RNF150: variants seen among roughly 807,000 people sequenced by gnomAD.
RNF150 encodes the protein ring finger protein 150.
A neutral mutation model predicts 39.3 loss-of-function variants in RNF150; 24 were observed. That is an observed-to-expected ratio of 0.61 (90% CI 0.44 to 0.86). The LOEUF is 0.86. RNF150 is among the 40% of genes least tolerant of loss of function. The probability of loss-of-function intolerance (pLI) is 0.00; values close to 1 mark genes in which losing one functional copy is unlikely to be tolerated. For missense variants in RNF150, 502 were observed against 587.8 expected, an observed-to-expected ratio of 0.85 and a Z score of 1.51; for synonymous variants, 255 against 227.3, an observed-to-expected ratio of 1.12 and a Z score of -1.10.
chr4:141,023,262 G>C (rs1048119729), intron 1 of RNF150, among the ~76,000 whole-genome samples: 1 of 151,462 alleles, frequency 6.6e-6, no homozygotes, highest in African/African-American at 2.4e-5. Flanking sequence ...GATGATGTTT[G>C]AGTGATGGAG....
At chr4:140,974,320 C>G (rs943128794) in intron 1 of RNF150, among the ~76,000 whole-genome samples, 2 of 152,188 alleles carry the variant, frequency 1.3e-5, no homozygotes, top group African/African-American at 4.8e-5. Flanking sequence ...CTTATCCAAA[C>G]AAGCATGTAT....
At chr4:141,078,429 T>A (rs1478908530) in intron 1 of RNF150, among the ~76,000 whole-genome samples, 1 of 152,156 alleles carries the variant, frequency 6.6e-6, no homozygotes, top group Non-Finnish European at 1.5e-5. Flanking sequence ...GTATCCCATG[T>A]TAATCTATTA....
intron 1 of RNF150, among the ~76,000 whole-genome samples, chr4:141,012,956 A>G (rs1220402291): frequency 6.6e-6 from 1 of 152,036 alleles, no homozygotes; most frequent in Non-Finnish European, 1.5e-5. Flanking sequence ...CCTAATTTTC[A>G]TCAGTCCTAG....
Position 140,980,416 on chromosome 4 carries a change from A to G in RNF150, c.485-12543T>C, listed in dbSNP as rs1733817276. ...TTAAAAAACAATCACAGTATCATGG[A>G]TCTAATGAACTTCTAGATATTTATG... On this transcript the variant is annotated intron_variant, in intron 1 of 6. Coordinates refer to ENST00000515673, the MANE Select transcript of RNF150 (RefSeq NM_020724.2). 2.0e-5 allele frequency among the ~76,000 whole-genome samples: 3 copies of G among 152,250 alleles called. No individual in the cohort carries two copies. The South Asian group carries it at 6.2e-4, about 32-fold the overall frequency.
rs1728408657 is a variant in RNF150, at chr4:140,859,820, T to C, written c.*8441A>G. 1 of 152,212 alleles carries C rather than the reference T, an allele frequency of 6.6e-6. No homozygotes were observed. Among genetic ancestry groups the C allele is most frequent in the South Asian group, 2.1e-4 (1 of 4,836 alleles). 9.4% of individuals were successfully genotyped at this position (152,212 alleles called of 1,614,324 possible). The stretch of plus-strand genomic sequence containing the variant: ...CAGACACAAGCATCTGGTTCCATTT[T>C]ATTAAAAAACAAAACCAAAAGAAAT... On this transcript the variant is annotated 3_prime_UTR_variant, in exon 7 of 7. Coordinates refer to ENST00000515673, the MANE Select transcript of RNF150 (RefSeq NM_020724.2).
chr4:140,888,367 C>T (rs150593816), intron 6 of RNF150, among the ~76,000 whole-genome samples: 15 of 152,208 alleles, frequency 9.9e-5, no homozygotes, highest in Non-Finnish European at 1.6e-4. Flanking sequence ...CATGCCTTCC[C>T]GGACAATCTA....
chr4:141,193,667 C>T (rs1009935580), intron 1 of RNF150, among the ~76,000 whole-genome samples: 5 of 152,050 alleles, frequency 3.3e-5, no homozygotes, highest in African/African-American at 4.8e-5. Flanking sequence ...GCAACAGGAA[C>T]GACAGCAGCC....
At chr4:141,004,123 G>A (rs28728351) in intron 1 of RNF150, among the ~76,000 whole-genome samples, 6,408 of 151,970 alleles carry the variant, frequency 0.042, 358 homozygotes, top group African/African-American at 0.12. Context: ...GCATTTACAC[G>A]GTGCCATGCT....
intron 1 of RNF150, among the ~76,000 whole-genome samples, chr4:141,147,627 G>A (rs1041834940): frequency 5.3e-5 from 8 of 152,134 alleles, no homozygotes; most frequent in African/African-American, 1.9e-4. Flanking sequence ...TTAGCCAAGT[G>A]GGCTTGCAAA....
chr4:140,995,561 C>T (rs901514374), intron 1 of RNF150, among the ~76,000 whole-genome samples: 14 of 152,232 alleles, frequency 9.2e-5, no homozygotes, highest in Non-Finnish European at 1.6e-4. Flanking sequence ...CAATGGTGGA[C>T]GTGTCTTATG....
chr4:141,032,209 T>C (rs1427835917), intron 1 of RNF150, among the ~76,000 whole-genome samples: 3 of 152,064 alleles, frequency 2.0e-5, no homozygotes, highest in African/African-American at 7.2e-5. Flanking sequence ...CATGACTTCA[T>C]TTATATGTAG....
chr4:140,884,179 T>C lies in RNF150; in HGVS notation c.1199-15800A>G, dbSNP rs917343954. Among the ~76,000 whole-genome samples the C allele has an allele frequency of 3.3e-5, 5 of 150,974 alleles. No homozygotes were observed. In the East Asian group the frequency reaches 1.0e-3, roughly 30 times the overall value. On this transcript the variant is annotated intron_variant, in intron 6 of 6. Coordinates refer to ENST00000515673, the MANE Select transcript of RNF150 (RefSeq NM_020724.2). ...TTGATATTCTCATTTTATTCATACATCATTTTCCTAATTATATCCAGCTGT... is the reference window on the plus strand; with the variant it reads ...TTGATATTCTCATTTTATTCATACACCATTTTCCTAATTATATCCAGCTGT...
intron 1 of RNF150, among the ~76,000 whole-genome samples, chr4:141,155,329 C>T (rs564994573): frequency 6.6e-4 from 98 of 149,532 alleles, no homozygotes; most frequent in Admixed American, 4.0e-3. Context: ...AACTCCTGAC[C>T]TCAGATGATC....
intron 1 of RNF150, among the ~76,000 whole-genome samples, chr4:141,160,000 T>C (rs1727483450): frequency 6.6e-6 from 1 of 152,184 alleles, no homozygotes; most frequent in Non-Finnish European, 1.5e-5. Flanking sequence ...CCAAAGGTTC[T>C]ACAGCTGTGA....
chr4:140,960,901 A>G (rs1036305833), intron 2 of RNF150, among the ~76,000 whole-genome samples: 1 of 152,126 alleles, frequency 6.6e-6, no homozygotes, highest in African/African-American at 2.4e-5. Flanking sequence ...CAACCCTCTA[A>G]TAATATGTCA....
chr4:140,887,890 A>T (rs1177599702), intron 6 of RNF150, among the ~76,000 whole-genome samples: 1 of 152,222 alleles, frequency 6.6e-6, no homozygotes, highest in East Asian at 1.9e-4. Flanking sequence ...GAGCATAAAC[A>T]CATTATAAGG....
chr4:140,915,185 C>T (rs1730768347), intron 5 of RNF150, among the ~76,000 whole-genome samples: 2 of 152,138 alleles, frequency 1.3e-5, no homozygotes, highest in African/African-American at 4.8e-5. Context: ...CATGAACAGA[C>T]ATCAGTTATC....
At chr4:140,899,463 A>G (rs1329350357) in intron 6 of RNF150, among the ~76,000 whole-genome samples, 2 of 152,210 alleles carry the variant, frequency 1.3e-5, no homozygotes, top group African/African-American at 2.4e-5. Flanking sequence ...ATAATCCTGG[A>G]AATTCCTAGA....
chr4:141,044,771 G>GCA (rs71584391), intron 1 of RNF150, among the ~76,000 whole-genome samples: 29,628 of 146,288 alleles, frequency 0.2, 2,907 homozygotes, highest in Middle Eastern at 0.3. Context: ...GGTGTGCAGC[G>GCA]CACACACACA....
Sources: gnomAD v4.1 joint callset for allele counts (sites outside exome capture counted in the v4.1 genomes callset) on GRCh38, gnomAD v4.1.1 for gene constraint, MANE v1.5 for transcripts, NCBI Gene and HGNC (gene_info 2026-07-23, HGNC 2026-07-21) for gene names.